SYT1: variants seen among roughly 807,000 people sequenced by gnomAD.
SYT1 encodes the protein synaptotagmin 1.
A neutral mutation model predicts 44.8 loss-of-function variants in SYT1; 8 were observed. The ratio of observed to expected loss-of-function variants is 0.18; its 90% CI spans 0.10 to 0.32. The LOEUF (loss-of-function observed/expected upper bound fraction) is 0.32. SYT1 is among the 10% of genes least tolerant of loss of function. The pLI, the probability that SYT1 is intolerant of heterozygous loss-of-function variation, is 1.00. For missense variants in SYT1, 286 were observed against 509.3 expected (o/e 0.56, Z 4.22); for synonymous variants, 154 against 188.8 (o/e 0.82, Z 1.51).
chr12:79,379,598 A>G (rs368852904), intron 9 of SYT1, among the ~76,000 whole-genome samples: 33 of 152,302 alleles, frequency 2.2e-4, no homozygotes, highest in South Asian at 1.7e-3. Context: ...CAAGCTCAGT[A>G]GCAAACTCCT....
intron 3 of SYT1, among the ~76,000 whole-genome samples, chr12:79,179,319 T>C (rs1236352553): frequency 1.7e-5 from 1 of 60,244 alleles, no homozygotes; most frequent in Non-Finnish European, 3.1e-5. Flanking sequence ...TATATAGATA[T>C]AGATATAGAT....
chr12:79,399,912 T>C (rs998752813), intron 9 of SYT1, among the ~76,000 whole-genome samples: 1 of 152,232 alleles, frequency 6.6e-6, no homozygotes, highest in Non-Finnish European at 1.5e-5. Flanking sequence ...TTGTTCAAGC[T>C]AATCAGTTAT....
chr12:79,106,579 T>C (rs1441233733), intron 3 of SYT1, among the ~76,000 whole-genome samples: 1 of 151,904 alleles, frequency 6.6e-6, no homozygotes, highest in Non-Finnish European at 1.5e-5. Flanking sequence ...TATATCTAAT[T>C]TACTTACAAA....
intron 1 of SYT1, among the ~76,000 whole-genome samples, chr12:78,893,950 C>T (rs867784970): frequency 7.3e-5 from 11 of 151,634 alleles, no homozygotes; most frequent in African/African-American, 2.2e-4. Context: ...AATGAGGAGG[C>T]TAGCAATGGA....
intron 8 of SYT1, among the ~76,000 whole-genome samples, chr12:79,315,535 A>G (rs561448935): frequency 1.3e-5 from 2 of 152,332 alleles, no homozygotes; most frequent in East Asian, 3.9e-4. Flanking sequence ...TTTCAGGGAC[A>G]GAGATCCTAA....
chr12:78,926,230 A>G (rs59050104), intron 1 of SYT1, among the ~76,000 whole-genome samples: 1,893 of 152,116 alleles, frequency 0.012, 40 homozygotes, highest in African/African-American at 0.043. Context: ...TGCAAGGGAA[A>G]CAAATAAAGC....
intron 3 of SYT1, among the ~76,000 whole-genome samples, chr12:79,138,222 G>GA (rs372739702): frequency 6.6e-6 from 1 of 151,950 alleles, no homozygotes; most frequent in Non-Finnish European, 1.5e-5. Context: ...AAAATACACA[G>GA]AAAAAACTAC....
chr12:79,418,004 C>T (rs1266318870), intron 9 of SYT1, among the ~76,000 whole-genome samples: 2 of 151,892 alleles, frequency 1.3e-5, no homozygotes, highest in Non-Finnish European at 2.9e-5. Context: ...CCGTTACTCC[C>T]TCTGTGAAAA....
chr12:78,953,296 A>G (rs1314556424), intron 1 of SYT1, among the ~76,000 whole-genome samples: 2 of 152,100 alleles, frequency 1.3e-5, no homozygotes, highest in Non-Finnish European at 2.9e-5. Context: ...CTGAGAGTCC[A>G]CTTCAAAATG....
At chr12:78,975,635 A>G (rs1868770361) in intron 1 of SYT1, among the ~76,000 whole-genome samples, 1 of 152,160 alleles carries the variant, frequency 6.6e-6, no homozygotes, top group African/African-American at 2.4e-5. Flanking sequence ...CTCTACTTGA[A>G]GTCTGCTGTG....
At chr12:79,419,171 T>G in intron 9 of SYT1, 1 of 448,748 alleles carries the variant, frequency 2.2e-6, no homozygotes, top group South Asian at 1.7e-5. Context: ...GGACTAATGA[T>G]TCTATAAGAA....
At chr12:79,277,438 A>T (rs996380223) in intron 4 of SYT1, among the ~76,000 whole-genome samples, 1 of 152,178 alleles carries the variant, frequency 6.6e-6, no homozygotes, top group Non-Finnish European at 1.5e-5. Flanking sequence ...AATAAAGGTG[A>T]AGTAAAGTCA....
intron 5 of SYT1, among the ~76,000 whole-genome samples, chr12:79,288,717 T>C (rs1192577176): frequency 6.6e-6 from 1 of 152,204 alleles, no homozygotes; most frequent in African/African-American, 2.4e-5. Flanking sequence ...TGTAAAGTCA[T>C]AGGTCTGGAA....
intron 1 of SYT1, among the ~76,000 whole-genome samples, chr12:78,971,754 C>CA (rs1434180926): frequency 6.6e-6 from 1 of 152,010 alleles, no homozygotes; most frequent in Non-Finnish European, 1.5e-5. Flanking sequence ...ATAGCAGAGG[C>CA]AATGTATAAT....
At chr12:79,080,078 C>T (rs555499293) in intron 3 of SYT1, among the ~76,000 whole-genome samples, 1 of 151,930 alleles carries the variant, frequency 6.6e-6, no homozygotes, top group Non-Finnish European at 1.5e-5. Flanking sequence ...CAAAGTAAAA[C>T]CTTCACTTCT....
chr12:78,965,709 C>T (rs1357877473), intron 1 of SYT1, among the ~76,000 whole-genome samples: 1 of 152,086 alleles, frequency 6.6e-6, no homozygotes, highest in Non-Finnish European at 1.5e-5. Context: ...GATCGGTCTC[C>T]AGGCCCCATT....
chr12:79,185,390 C>T (rs922186147), intron 3 of SYT1, among the ~76,000 whole-genome samples: 7 of 151,922 alleles, frequency 4.6e-5, no homozygotes, highest in Admixed American at 6.6e-5. Flanking sequence ...GTTGAATGCA[C>T]ATTGGAGTGA....
intron 1 of SYT1, among the ~76,000 whole-genome samples, chr12:78,890,562 G>GT (rs1462388498): frequency 1.3e-5 from 2 of 151,754 alleles, no homozygotes; most frequent in African/African-American, 4.8e-5. Flanking sequence ...TAATAATAAT[G>GT]TATCTTAAAC....
At chr12:78,893,192 A>G (rs1389678979) in intron 1 of SYT1, among the ~76,000 whole-genome samples, 1 of 151,774 alleles carries the variant, frequency 6.6e-6, no homozygotes, top group Non-Finnish European at 1.5e-5. Context: ...ACCATGACTA[A>G]CAGTAAATGA....
Sources: gnomAD v4.1 joint callset for allele counts (sites outside exome capture counted in the v4.1 genomes callset) on GRCh38, gnomAD v4.1.1 for gene constraint, MANE v1.5 for transcripts, NCBI Gene and HGNC (gene_info 2026-07-23, HGNC 2026-07-21) for gene names.